Variants in EYS observed in about 807,000 individuals in gnomAD.
EYS encodes protein eyes shut homolog.
In EYS, 250 loss-of-function variants were observed where a neutral mutation model predicts 282.1. That is an observed-to-expected ratio of 0.89 (90% CI 0.80 to 0.98). The LOEUF is 0.98. EYS is among the 50% of genes least tolerant of loss of function. The pLI, the probability that EYS is intolerant of heterozygous loss-of-function variation, is 0.00. For missense variants in EYS, 4,016 were observed against 3,709.0 expected, an observed-to-expected ratio of 1.08 and a Z score of -2.15; for synonymous variants, 1,355 against 1,282.9, an observed-to-expected ratio of 1.06 and a Z score of -1.20.
At chr6:63,984,201 T>C (rs1027154075) in intron 35 of EYS, among the ~76,000 whole-genome samples, 182 bp downstream of exon 35, 14 of 151,752 alleles carry the variant, frequency 9.2e-5, no homozygotes, top group Admixed American at 3.9e-4. Flanking sequence ...CTACAATATA[T>C]ACATTTCTTT....
At chr6:64,276,780 C>G (rs1007128887) in intron 30 of EYS, among the ~76,000 whole-genome samples, 3 of 152,118 alleles carry the variant, frequency 2.0e-5, no homozygotes, top group Non-Finnish European at 4.4e-5. Context: ...ATACACTCCT[C>G]TATGATAATG....
At chr6:63,877,645 A>C (rs1773012697) in intron 35 of EYS, among the ~76,000 whole-genome samples, 1 of 151,702 alleles carries the variant, frequency 6.6e-6, no homozygotes, top group Non-Finnish European at 1.5e-5. Flanking sequence ...ATAGCCCCAT[A>C]TTTCTTGGAG....
chr6:65,505,864 T>C (rs1222422641), intron 2 of EYS, among the ~76,000 whole-genome samples: 1 of 152,186 alleles, frequency 6.6e-6, no homozygotes, highest in Admixed American at 6.5e-5. Flanking sequence ...TTCCTCCTGC[T>C]GTTGGATAGA....
chr6:64,675,916 G>A (rs902205300), intron 22 of EYS, among the ~76,000 whole-genome samples: 5 of 147,018 alleles, frequency 3.4e-5, no homozygotes, highest in Non-Finnish European at 7.5e-5. Flanking sequence ...AGATTAAATG[G>A]CTCTCTCTCT....
At chr6:65,071,782 C>T (rs758660592) in intron 12 of EYS, among the ~76,000 whole-genome samples, 12 of 151,744 alleles carry the variant, frequency 7.9e-5, no homozygotes, top group Non-Finnish European at 1.8e-4. Context: ...TGAATGTGTC[C>T]TCTCCAAAAT....
chr6:64,832,302 T>C (rs548341502), intron 19 of EYS, among the ~76,000 whole-genome samples: 8 of 151,990 alleles, frequency 5.3e-5, no homozygotes, highest in Admixed American at 1.3e-4. Flanking sequence ...ATGCAGAAAA[T>C]AGCTCATTAT....
intron 35 of EYS, among the ~76,000 whole-genome samples, chr6:63,933,549 G>T (rs1444513006): frequency 6.6e-6 from 1 of 152,130 alleles, no homozygotes; most frequent in African/African-American, 2.4e-5. Flanking sequence ...AGGCATAATT[G>T]ATTACATCAT....
chr6:63,884,100 G>A (rs1416803801), intron 35 of EYS, among the ~76,000 whole-genome samples: 3 of 152,132 alleles, frequency 2.0e-5, no homozygotes, highest in African/African-American at 7.2e-5. Context: ...TGCTCACAAA[G>A]TCTAGAACAA....
chr6:64,134,899 T>C (rs1774108425), intron 31 of EYS, among the ~76,000 whole-genome samples: 1 of 152,128 alleles, frequency 6.6e-6, no homozygotes. Flanking sequence ...GGGCATATGC[T>C]AGGTGCTATG....
At chr6:64,502,862 A>T (rs1170950650) in intron 26 of EYS, among the ~76,000 whole-genome samples, 1 of 152,188 alleles carries the variant, frequency 6.6e-6, no homozygotes, top group East Asian at 1.9e-4. Flanking sequence ...TTTCAAGAAC[A>T]ATGGTAGCCA....
At chr6:64,331,045 G>A (rs1246825576) in intron 29 of EYS, among the ~76,000 whole-genome samples, 2 of 152,150 alleles carry the variant, frequency 1.3e-5, no homozygotes, top group Non-Finnish European at 2.9e-5. Context: ...GGTGTCAGAT[G>A]GGCTGGATAT....
chr6:64,296,596 ATAT>A (rs1469698608), intron 30 of EYS, among the ~76,000 whole-genome samples: 11 of 6,150 alleles, frequency 1.8e-3, no homozygotes, highest in South Asian at 9.8e-3. Flanking sequence ...ATATATATAT[ATAT>A]TTTTTTTTTT....
chr6:65,236,339 C>A (rs528776378), intron 12 of EYS, among the ~76,000 whole-genome samples: 1 of 152,090 alleles, frequency 6.6e-6, no homozygotes, highest in Non-Finnish European at 1.5e-5. Context: ...GGGTCTGGCA[C>A]GGTGGCTCAT....
At chr6:63,878,031 C>T (rs1156589486) in intron 35 of EYS, among the ~76,000 whole-genome samples, 1 of 152,170 alleles carries the variant, frequency 6.6e-6, no homozygotes, top group African/African-American at 2.4e-5. Flanking sequence ...GAGCTGTGTT[C>T]CTTTGGAGGA....
chr6:64,184,339 C>T (rs1295778226), intron 31 of EYS, among the ~76,000 whole-genome samples: 1 of 152,112 alleles, frequency 6.6e-6, no homozygotes, highest in Non-Finnish European at 1.5e-5. Context: ...GCTACCTAAC[C>T]ATGTGCCTTC....
At chr6:65,336,667 T>G (rs6939438) in intron 10 of EYS, among the ~76,000 whole-genome samples, 94,971 of 151,262 alleles carry the variant, frequency 0.63, 30,763 homozygotes, top group East Asian at 0.9. Flanking sequence ...TTTGAACTGA[T>G]AGTAAAGCTT....
intron 29 of EYS, among the ~76,000 whole-genome samples, chr6:64,323,248 T>C (rs1770285450): frequency 6.6e-6 from 1 of 152,108 alleles, no homozygotes; most frequent in South Asian, 2.1e-4. Context: ...CATTCTATCC[T>C]CATAGATTTA....
At chr6:64,853,778 T>C (rs1765960014) in intron 19 of EYS, among the ~76,000 whole-genome samples, 1 of 152,016 alleles carries the variant, frequency 6.6e-6, no homozygotes, top group African/African-American at 2.4e-5. Context: ...CTAAAGAGCT[T>C]CTGCACAGCA....
chr6:64,482,635 A>C (rs1169363219), intron 26 of EYS, among the ~76,000 whole-genome samples: 1 of 151,728 alleles, frequency 6.6e-6, no homozygotes, highest in Non-Finnish European at 1.5e-5. Flanking sequence ...AGTGTAATGT[A>C]GAACGATTAT....
Sources: gnomAD v4.1 joint callset for allele counts (sites outside exome capture counted in the v4.1 genomes callset) on GRCh38, gnomAD v4.1.1 for gene constraint, MANE v1.5 for transcripts, NCBI Gene and HGNC (gene_info 2026-07-23, HGNC 2026-07-21) for gene names.